Variants in SLC25A21 observed in about 807,000 individuals in gnomAD.
SLC25A21 encodes the protein mitochondrial 2-oxodicarboxylate carrier.
In SLC25A21, 47 loss-of-function variants were observed where a neutral mutation model predicts 43.8. The observed-to-expected ratio is 1.07, with a 90% CI of 0.85 to 1.37. The LOEUF (loss-of-function observed/expected upper bound fraction) is 1.37, where lower values mean the gene tolerates loss of function less well. Ranked by LOEUF, SLC25A21 falls within the 40% of genes most tolerant of loss-of-function variation. The pLI is 0.00. For synonymous variants in SLC25A21, 131 were observed against 121.3 expected, an observed-to-expected ratio of 1.08 and a Z score of -0.52; for missense variants, 352 against 350.2, an observed-to-expected ratio of 1.00 and a Z score of -0.04.
chr14:37,082,860 T>C (rs1398105583), intron 1 of SLC25A21, among the ~76,000 whole-genome samples: 2 of 152,216 alleles, frequency 1.3e-5, no homozygotes, highest in Non-Finnish European at 2.9e-5. Flanking sequence ...TAAAGAAGGA[T>C]ATTTTGAACT....
intron 2 of SLC25A21, among the ~76,000 whole-genome samples, chr14:36,865,135 T>A (rs1185267): frequency 5.3e-5 from 8 of 151,484 alleles, no homozygotes; most frequent in Non-Finnish European, 1.0e-4. Context: ...CTAAATTAAC[T>A]GTTCATTTTA....
intron 1 of SLC25A21, among the ~76,000 whole-genome samples, chr14:37,148,636 C>T (rs1163740289): frequency 2.6e-5 from 4 of 152,266 alleles, no homozygotes; most frequent in South Asian, 4.2e-4. Context: ...AATTGAATTG[C>T]TTTGTGGCAA....
At chr14:36,717,611 T>C (rs1191314518) in intron 6 of SLC25A21, among the ~76,000 whole-genome samples, 1 of 152,224 alleles carries the variant, frequency 6.6e-6, no homozygotes, top group African/African-American at 2.4e-5. Flanking sequence ...AAGGTGACAG[T>C]GCTGTGGCCA....
rs142350372 is a variant in SLC25A21, at chr14:37,061,023, T to C, written c.70+111258A>G. On this transcript the variant is annotated intron_variant, in intron 1 of 9. Coordinates refer to ENST00000331299, the MANE Select transcript of SLC25A21 (RefSeq NM_030631.4). ...CAGGAATTACAGTTCTCACAGGAAGTGAATGCAGGTGGTTGGAAGAAAAAG... is the reference window on the plus strand; with the variant it reads ...CAGGAATTACAGTTCTCACAGGAAGCGAATGCAGGTGGTTGGAAGAAAAAG... Among the ~76,000 whole-genome samples, 1,030 of 152,180 alleles carry C rather than the reference T, an allele frequency of 6.8e-3. 5 individuals are homozygous for C. Among genetic ancestry groups the C allele is most frequent in the Middle Eastern group, 0.038 (11 of 292 alleles).
chr14:37,123,046 G>A (rs1016599444), intron 1 of SLC25A21, among the ~76,000 whole-genome samples: 1 of 152,200 alleles, frequency 6.6e-6, no homozygotes, highest in Non-Finnish European at 1.5e-5. Flanking sequence ...TGTATTCACA[G>A]ATAAGCGGAA....
chr14:36,697,270 A>C (rs1268548571), intron 7 of SLC25A21, among the ~76,000 whole-genome samples: 2 of 152,202 alleles, frequency 1.3e-5, no homozygotes, highest in East Asian at 3.8e-4. Context: ...CTGTGGTCTG[A>C]GAGACAGTTT....
chr14:36,728,453 T>C (rs1263738716), intron 5 of SLC25A21, among the ~76,000 whole-genome samples: 1 of 152,132 alleles, frequency 6.6e-6, no homozygotes. Context: ...AGAATGACAT[T>C]AAGGGAAGAT....
intron 1 of SLC25A21, among the ~76,000 whole-genome samples, chr14:37,085,805 CACTT>C (rs1371329040): frequency 1.3e-5 from 2 of 152,094 alleles, no homozygotes; most frequent in African/African-American, 2.4e-5. Flanking sequence ...GACTTCAAAA[CACTT>C]ACTTCTGAAA....
At chr14:36,919,945 G>A (rs966902712) in intron 1 of SLC25A21, among the ~76,000 whole-genome samples, 2 of 151,996 alleles carry the variant, frequency 1.3e-5, no homozygotes, top group Middle Eastern at 3.2e-3. Flanking sequence ...GAAAGCTCTC[G>A]TTTTGTATAT....
chr14:36,908,873 G>T (rs1453681380), intron 1 of SLC25A21, among the ~76,000 whole-genome samples: 24 of 152,164 alleles, frequency 1.6e-4, no homozygotes, highest in Non-Finnish European at 4.4e-5. Context: ...AGAAAAAAAT[G>T]AAGAAGGTAA....
chr14:37,115,648 G>T (rs17106343), intron 1 of SLC25A21, among the ~76,000 whole-genome samples: 18,527 of 152,054 alleles, frequency 0.12, 2,839 homozygotes, highest in African/African-American at 0.36. Context: ...ACTTTGATAT[G>T]TGCCTATTCA....
chr14:37,030,147 G>T (rs1439733088), intron 1 of SLC25A21, among the ~76,000 whole-genome samples: 1 of 152,088 alleles, frequency 6.6e-6, no homozygotes, highest in Non-Finnish European at 1.5e-5. Flanking sequence ...ATAAAGAAAA[G>T]AAAATGTTTT....
Position 36,790,674 on chromosome 14 carries a change from C to T in SLC25A21, c.203+23244G>A, listed in dbSNP as rs181572608. Among the ~76,000 whole-genome samples the T allele has an allele frequency of 3.9e-4, 59 of 152,204 alleles. 1 individual carries two copies. The highest frequency in any genetic ancestry group is 3.3e-3 in the Admixed American group (50 of 15,282). On this transcript the variant is annotated intron_variant, in intron 3 of 9. Transcript: ENST00000331299. Reference sequence around the variant, plus strand: ...CACTTTTGAGGTATGAAAATAAGTCCTCTTTTAGGAAAGCCATAAAACAAT... The same window carrying T: ...CACTTTTGAGGTATGAAAATAAGTCTTCTTTTAGGAAAGCCATAAAACAAT...
chr14:36,829,716 T>C (rs1363964654), intron 2 of SLC25A21, among the ~76,000 whole-genome samples: 1 of 11,408 alleles, frequency 8.8e-5, no homozygotes, highest in East Asian at 0.17. Context: ...GCTGGTTCCC[T>C]TAACCCATGT....
In SLC25A21 at chr14:36,678,686, A is replaced by G; in HGVS notation, c.*1972T>C. 8.0e-7 allele frequency: 1 copy of G among 1,250,796 alleles called. No individual in the cohort carries two copies. The allele number at this position is 1,250,796 out of a possible 1,614,324, so 77.5% of individuals were successfully genotyped here. On this transcript the variant is annotated 3_prime_UTR_variant, in exon 10 of 10. Transcript: ENST00000331299. Reference sequence around the variant, plus strand: ...ATATTACTTGCTTGTGTGGAAATGCAAATAATGTTATTTTCTTTATCTAAA... The same window carrying G: ...ATATTACTTGCTTGTGTGGAAATGCGAATAATGTTATTTTCTTTATCTAAA...
chr14:36,972,818 T>C (rs1959782021), intron 1 of SLC25A21, among the ~76,000 whole-genome samples: 1 of 151,780 alleles, frequency 6.6e-6, no homozygotes. Context: ...ACTTTTTTGT[T>C]TGTTTGGGTT....
chr14:37,090,308 C>T (rs12889634), intron 1 of SLC25A21, among the ~76,000 whole-genome samples: 116,650 of 152,206 alleles, frequency 0.77, 49,058 homozygotes, highest in South Asian at 0.94. Context: ...GGCAACACAG[C>T]GCCAAGCTTG....
rs146740251 is a variant in SLC25A21 at position 37,090,418 on chromosome 14, C to T, written c.70+81863G>A. ...GCCATGTAGTTGGTGGGTCTCAACG[C>T]TGGTGATATGCTGTTGCAGCTCAAA... On this transcript the variant is annotated intron_variant, in intron 1 of 9. Transcript: ENST00000331299. 5.6e-3 allele frequency among the ~76,000 whole-genome samples: 850 copies of T among 152,328 alleles called. 5 individuals carry two copies. The highest frequency in any genetic ancestry group is 0.014 in the African/African-American group (601 of 41,578).
chr14:36,717,738 T>A (rs1328416228), intron 6 of SLC25A21, among the ~76,000 whole-genome samples: 3 of 152,246 alleles, frequency 2.0e-5, no homozygotes, highest in Non-Finnish European at 2.9e-5. Flanking sequence ...GATTTCTTTA[T>A]CCCAATGAAA....
Sources: allele counts gnomAD v4.1 joint callset (sites outside exome capture counted in the v4.1 genomes callset), GRCh38; gene constraint gnomAD v4.1.1; transcripts MANE v1.5; gene names NCBI Gene and HGNC (gene_info 2026-07-23, HGNC 2026-07-21).